Variants in LTBP3 observed in about 807,000 individuals in gnomAD.
LTBP3 encodes latent-transforming growth factor beta-binding protein 3.
LTBP3 carries 97 observed loss-of-function variants against 159.7 expected under a neutral mutation model. That is an observed-to-expected ratio of 0.61 (90% CI 0.52 to 0.72). The LOEUF is 0.72. LTBP3 is among the 30% of genes least tolerant of loss of function. The pLI is 0.00. For missense variants in LTBP3, 1,584 were observed against 1,864.3 expected, an observed-to-expected ratio of 0.85 and a Z score of 2.77; for synonymous variants, 824 against 777.1, an observed-to-expected ratio of 1.06 and a Z score of -1.00.
rs1280597062 is a variant in LTBP3 at position 65,557,878 on chromosome 11, G to GCGC, written c.81_82insGCG (p.Leu27_Leu28insAla). On this transcript the variant is annotated inframe_insertion, in exon 1 of 28. Coordinates refer to ENST00000301873, the MANE Select transcript of LTBP3 (RefSeq NM_001130144.3). ...CCCAGCAGCAGCAGCAGCAGCAGCAGCAGCAGCGCCAGCAGCCCCGCCGCC... is the reference window on the plus strand; with the variant it reads ...CCCAGCAGCAGCAGCAGCAGCAGCAGCGCCAGCAGCGCCAGCAGCCCCGCCGCC... 1 of 1,318,468 alleles carries GCGC rather than the reference G, an allele frequency of 7.6e-7. No homozygotes were observed. The highest frequency in any genetic ancestry group is 3.4e-5 in the East Asian group (1 of 29,238). 81.7% of individuals were successfully genotyped at this position (1,318,468 alleles called of 1,614,324 possible).
rs1393694618 is a variant in LTBP3 at position 65,546,929 on chromosome 11, G to A, written c.2108-9C>T. ...CCGGCACTCGTCGATGTCTGCACGG[G>A]AGGGAGAAGGAAGAGGACCCATCTG... On this transcript the variant is annotated splice_polypyrimidine_tract_variant and intron_variant, in intron 14 of 27. Coordinates refer to ENST00000301873, the MANE Select transcript of LTBP3 (RefSeq NM_001130144.3). The surrounding 1 kb of genome is among the most constrained non-coding windows in gnomAD (Gnocchi z 4.0). The A allele has an allele frequency of 2.1e-5, 34 of 1,610,716 alleles. No homozygotes were observed. The highest frequency in any genetic ancestry group is 2.0e-5 in the Non-Finnish European group (24 of 1,179,984).
chr11:65,549,567 CTTTTTTTTTTT>C (rs748132211), intron 11 of LTBP3, among the ~76,000 whole-genome samples: 5 of 64,748 alleles, frequency 7.7e-5, no homozygotes, highest in African/African-American at 2.8e-4. Flanking sequence ...CCCAGCTAAT[CTTTTTTTTTTT>C]TTTTTTTTTT....
At chr11:65,543,701 G>T in intron 16 of LTBP3, 152 bp from the exon 17 acceptor site, 1 of 991,402 alleles carries the variant, frequency 1.0e-6, no homozygotes, top group Non-Finnish European at 1.6e-6. Context: ...GTGGCACACA[G>T]TGCCCTGACG....
Position 65,541,333 on chromosome 11 carries a change from C to G in LTBP3, c.2726-40G>C, listed in dbSNP as rs779435308. ...GCAGCTCAGGGTTGTGCACAGACCC[C>G]CCTTGGCCCTGTCCACCCTGCCCAC... is the stretch of plus-strand genomic sequence containing the variant. On this transcript the variant is annotated intron_variant, in intron 19 of 27. Transcript: ENST00000301873. The G allele has an allele frequency of 7.5e-6, 12 of 1,600,804 alleles. No homozygotes were observed. The Admixed American group carries it at 1.8e-4, about 24-fold the overall frequency.
chr11:65,543,185 C>T lies in LTBP3; in HGVS notation c.2516G>A (p.Gly839Asp), dbSNP rs1856229058. Residue 839 changes from glycine (G) to aspartate (D), a missense_variant, in exon 18 of 28, where the codon GGT becomes GAT. Coordinates refer to ENST00000301873, the MANE Select transcript of LTBP3 (RefSeq NM_001130144.3). ...ECDFPAACIG[G>D]DCINTNGSYR... is the part of the protein sequence containing the mutation. ...GGAGCCATTGGTATTGATGCAGTCA[C>T]CCCCAATGCAGGCTGCAGGGAAGTC... is the stretch of plus-strand genomic sequence containing the variant. 1 of 1,614,084 alleles carries T rather than the reference C, an allele frequency of 6.2e-7. No homozygotes were observed. Among genetic ancestry groups the T allele is most frequent in the Non-Finnish European group, 8.5e-7 (1 of 1,179,964 alleles).
intron 25 of LTBP3, 33 bp from the exon 26 acceptor site, chr11:65,539,661 G>T (rs1265912666): frequency 6.3e-7 from 1 of 1,588,326 alleles, no homozygotes; most frequent in Non-Finnish European, 8.5e-7. Context: ...GCGACGTCCG[G>T]GTCCCCGGGC....
Position 65,547,709 on chromosome 11 carries a change from G to A in LTBP3, c.1959C>T (p.Ala653=), listed in dbSNP as rs1475329400. 6.2e-6 allele frequency: 10 copies of A among 1,605,902 alleles called. No homozygotes were observed. Among genetic ancestry groups the A allele is most frequent in the African/African-American group, 1.3e-5 (1 of 74,922 alleles). ...CNRGYRLHVG[A]GGRSCVDLNE... ...GCTCACCCACGCACGAGCGCCCCCC[G>A]GCGCCCACGTGCAGGCGGTAGCCGC... Residue 653 remains alanine (A), a synonymous_variant, in exon 13 of 28, where the codon GCC becomes GCT. Transcript: ENST00000301873. This position sits in a 1 kb window ranked among gnomAD's most constrained non-coding sequence, Gnocchi z 4.6.
At chr11:65,541,840 T>A (rs1473935749) in intron 18 of LTBP3, 112 bp from the exon 19 acceptor site, 1 of 1,260,850 alleles carries the variant, frequency 7.9e-7, no homozygotes, top group East Asian at 2.5e-5. Context: ...TTTCAAAGTA[T>A]GTACAGCAGG....
Position 65,546,062 on chromosome 11 carries a change from C to A in LTBP3, c.2353+380G>T. 1 of 274,326 alleles carries A rather than the reference C, an allele frequency of 3.6e-6. No individual in the cohort carries two copies. Among genetic ancestry groups the A allele is most frequent in the Non-Finnish European group, 7.0e-6 (1 of 142,572 alleles). The allele number at this position is 274,326 out of a possible 1,614,324, so 17.0% of individuals were successfully genotyped here. ...GGAAGCAGCCCAGCTCCATCCAGGC[C>A]CAGCACTGCATGCTACAGTCTGTCT... On this transcript the variant is annotated intron_variant, in intron 16 of 27. Coordinates refer to ENST00000301873, the MANE Select transcript of LTBP3 (RefSeq NM_001130144.3). The surrounding 1 kb of genome is among the most constrained non-coding windows in gnomAD (Gnocchi z 4.0).
In LTBP3 at chr11:65,547,381, C is replaced by T; in HGVS notation, c.2107+58G>A. The T allele has an allele frequency of 6.3e-7, 1 of 1,598,878 alleles. No individual in the cohort carries two copies. The highest frequency in any genetic ancestry group is 8.5e-7 in the Non-Finnish European group (1 of 1,174,648). On this transcript the variant is annotated intron_variant, in intron 14 of 27. Coordinates refer to ENST00000301873, the MANE Select transcript of LTBP3 (RefSeq NM_001130144.3). This position sits in a 1 kb window ranked among gnomAD's most constrained non-coding sequence, Gnocchi z 4.6. ...AAAAAATGCAGGCACCCCAGCCCCA[C>T]CCCAGGTGGAGAGACAGCTAAGGAG...
At position 65,540,339 on chromosome 11, in the gene LTBP3, C is replaced by T. The variant is rs1161692710; in HGVS notation, c.3150G>A (p.Val1050=). 1 of 1,584,812 alleles carries T rather than the reference C, an allele frequency of 6.3e-7. No homozygotes were observed. Among genetic ancestry groups the T allele is most frequent in the East Asian group, 2.3e-5 (1 of 43,890 alleles). ...GGTAGCCGCCGCGCGTGTTCTCACA[C>T]ACTCCGTTCCGGCAGTTGGACTCGT... The part of the protein sequence containing the change: ...CLDESNCRNG[V]CENTRGGYRC... The change falls in exon 23 of 28, where the codon GTG becomes GTA. Residue 1050 remains valine (V), a synonymous_variant. Transcript: ENST00000301873.
At position 65,554,878 on chromosome 11, in the gene LTBP3, C is replaced by G. The variant is rs1310364890; in HGVS notation, c.332-498G>C. 6.6e-6 allele frequency among the ~76,000 whole-genome samples: 1 copy of G among 152,046 alleles called. No homozygotes were observed. The highest frequency in any genetic ancestry group is 1.5e-5 in the Non-Finnish European group (1 of 67,984). ...GTCCTCTCTGCCTGCTCTCCACCCT[C>G]TCCCTCTTCACCATCCTGGGGCGCC... On this transcript the variant is annotated intron_variant, in intron 1 of 27. Transcript: ENST00000301873. The surrounding 1 kb of genome is among the most constrained non-coding windows in gnomAD (Gnocchi z 5.3).
chr11:65,553,857 G>C lies in LTBP3; in HGVS notation c.708C>G (p.Pro236=), dbSNP rs373043487. Residue 236 remains proline, a synonymous_variant, in exon 3 of 28, where the codon CCC becomes CCG. Coordinates refer to ENST00000301873, the MANE Select transcript of LTBP3 (RefSeq NM_001130144.3). The surrounding 1 kb of genome is among the most constrained non-coding windows in gnomAD (Gnocchi z 6.5). ...TGCGGTGCACCTGGACTGAGGCCTC[G>C]GGCGGGTGATGGACGCGCACATTCA... ...PVVNVRVHHP[P]EASVQVHRIE... 3 of 1,560,012 alleles carry C rather than the reference G, an allele frequency of 1.9e-6. No homozygotes were observed. Among genetic ancestry groups the C allele is most frequent in the Admixed American group, 1.9e-5 (1 of 53,960 alleles).
In LTBP3 at chr11:65,543,569, T is replaced by C; in HGVS notation, c.2354-20A>G. Reference sequence around the variant, plus strand: ...CCACATCTGCAGGGCATAGGGGGTGTCAGAGGACCAGGCTGGGTGGTCTTG... The same window carrying C: ...CCACATCTGCAGGGCATAGGGGGTGCCAGAGGACCAGGCTGGGTGGTCTTG... On this transcript the variant is annotated intron_variant, in intron 16 of 27. Transcript: ENST00000301873. 2.5e-6 allele frequency: 4 copies of C among 1,613,860 alleles called. No individual in the cohort carries two copies. The highest frequency in any genetic ancestry group is 3.4e-6 in the Non-Finnish European group (4 of 1,179,904).
At position 65,546,828 on chromosome 11, in the gene LTBP3, A is replaced by C. The variant is rs1487337869; in HGVS notation, c.2200T>G (p.Tyr734Asp). The C allele has an allele frequency of 1.2e-6, 2 of 1,608,646 alleles. No homozygotes were observed. The highest frequency in any genetic ancestry group is 1.7e-6 in the Non-Finnish European group (2 of 1,179,758). Residue 734 changes from tyrosine (Y) to aspartate (D), a missense_variant, in exon 15 of 28, where the codon TAC (tyrosine) becomes GAC (aspartate). By Grantham distance (160) the Tyr-to-Asp change is radical. Around this residue, in one of 6 missense-constraint regions of LTBP3, gnomAD observed 565 missense variants for 677.7 expected, o/e 0.83. Transcript: ENST00000301873. The surrounding 1 kb of genome is among the most constrained non-coding windows in gnomAD (Gnocchi z 4.0). Reference sequence around the variant, plus strand: ...CAGGCCCCGCCCCCCTGGCTGCGGTAGCCAGGCTGACAGGCGATGCACTTG... The same window carrying C: ...CAGGCCCCGCCCCCCTGGCTGCGGTCGCCAGGCTGACAGGCGATGCACTTG... ...SFKCIACQPGYRSQGGGACRD... is the reference protein window; with the variant it reads ...SFKCIACQPGDRSQGGGACRD...
Position 65,552,082 on chromosome 11 carries a change from C to A in LTBP3, c.1421G>T (p.Gly474Val). ...CAGGAAAAGGGAAAAGTCACTCTCG[C>A]CCTGAATGGTGAGCGTCTGGTGGGA... ...LTSHQTLTIQGESDFSLFLHP... is the reference protein window; with the variant it reads ...LTSHQTLTIQVESDFSLFLHP... The change falls in exon 8 of 28, where the codon GGC becomes GTC. Residue 474 changes from glycine (G) to valine (V), a missense_variant. Transcript: ENST00000301873. This position sits in a 1 kb window ranked among gnomAD's most constrained non-coding sequence, Gnocchi z 6.0. 1.2e-6 allele frequency: 2 copies of A among 1,614,118 alleles called. No homozygotes were observed. Among genetic ancestry groups the A allele is most frequent in the Non-Finnish European group, 1.7e-6 (2 of 1,180,016 alleles).
intron 18 of LTBP3, chr11:65,542,021 G>A (rs541529210): frequency 2.1e-4 from 85 of 396,930 alleles, no homozygotes; most frequent in Non-Finnish European, 3.5e-4. Context: ...GTCTCATCAC[G>A]CCTTACTCTA....
rs376049741 is a variant in LTBP3 at position 65,539,246 on chromosome 11, G to C, written c.3761-15C>G. 5.2e-6 allele frequency: 8 copies of C among 1,524,634 alleles called. No homozygotes were observed. The Admixed American group carries it at 8.0e-5, about 15-fold the overall frequency. 94.4% of individuals were successfully genotyped at this position (1,524,634 alleles called of 1,614,324 possible). A position where few individuals can be genotyped will look rare whatever the true frequency, so the allele number is the denominator to read the frequency against. ...CTCGTCGATATCTGAAGGTGAGGGC[G>C]ACAGGTGCGGCTTCGCTGAGCCTCC... On this transcript the variant is annotated splice_polypyrimidine_tract_variant and intron_variant, in intron 27 of 27. Coordinates refer to ENST00000301873, the MANE Select transcript of LTBP3 (RefSeq NM_001130144.3).
rs772286196 is a variant in LTBP3, at chr11:65,538,685, A to G, written c.*395T>C. On this transcript the variant is annotated 3_prime_UTR_variant, in exon 28 of 28. Coordinates refer to ENST00000301873, the MANE Select transcript of LTBP3 (RefSeq NM_001130144.3). Reference sequence around the variant, plus strand: ...ATCTCACGTGTACATAATCAGAGCCACAATAAATTCTATTTCACACCCCTT... The same window carrying G: ...ATCTCACGTGTACATAATCAGAGCCGCAATAAATTCTATTTCACACCCCTT... The G allele has an allele frequency of 5.7e-4, 732 of 1,274,618 alleles. 2 individuals are homozygous for G. Among genetic ancestry groups the G allele is most frequent in the Non-Finnish European group, 7.6e-4 (714 of 945,130 alleles). The allele number at this position is 1,274,618 out of a possible 1,614,324, so 79.0% of individuals were successfully genotyped here.
Sources: allele counts gnomAD v4.1 joint callset (sites outside exome capture counted in the v4.1 genomes callset), GRCh38; gene constraint gnomAD v4.1.1; regional missense constraint gnomAD v4.1.1; non-coding constraint Gnocchi (gnomAD v3.1); transcripts MANE v1.5; gene names NCBI Gene and HGNC (gene_info 2026-07-23, HGNC 2026-07-21).